SDK2: variants seen among roughly 807,000 people sequenced by gnomAD.
SDK2 encodes sidekick cell adhesion molecule 2.
SDK2 carries 105 observed loss-of-function variants against 253.9 expected under a neutral mutation model. The observed-to-expected ratio is 0.41, with a 90% CI of 0.35 to 0.49. The LOEUF (loss-of-function observed/expected upper bound fraction) is 0.49, where lower values mean the gene tolerates loss of function less well. Among genes scored for constraint, SDK2 ranks in the 20% least tolerant of loss-of-function variants. The pLI is 0.06. For synonymous variants in SDK2, 1,249 were observed against 1,234.9 expected (o/e 1.01, Z -0.24); for missense variants, 2,608 against 3,003.0 (o/e 0.87, Z 3.07).
intron 4 of SDK2, among the ~76,000 whole-genome samples, chr17:73,451,986 T>G (rs1055625166): frequency 2.0e-5 from 3 of 152,152 alleles, no homozygotes; most frequent in African/African-American, 7.2e-5. Flanking sequence ...TTCAATGTAC[T>G]AGGCTTTTGC....
chr17:73,461,636 T>C (rs1407728422), intron 3 of SDK2, among the ~76,000 whole-genome samples: 1 of 151,824 alleles, frequency 6.6e-6, no homozygotes, highest in Admixed American at 6.6e-5. Context: ...GATGTTTGGA[T>C]GGATGGGGGG....
chr17:73,397,384 G>A (rs986604974), intron 24 of SDK2, among the ~76,000 whole-genome samples: 5 of 152,148 alleles, frequency 3.3e-5, no homozygotes, highest in South Asian at 2.1e-4. Flanking sequence ...AAGATTCCCC[G>A]GGTTGGGACC....
intron 1 of SDK2, among the ~76,000 whole-genome samples, chr17:73,554,678 A>G (rs1002353323): frequency 6.6e-6 from 1 of 152,222 alleles, no homozygotes; most frequent in African/African-American, 2.4e-5. Context: ...GGAAACTAAT[A>G]CACACTTCTG....
At chr17:73,615,651 G>T (rs907122247) in intron 1 of SDK2, among the ~76,000 whole-genome samples, 1 of 152,164 alleles carries the variant, frequency 6.6e-6, no homozygotes, top group Non-Finnish European at 1.5e-5. Flanking sequence ...AAGTTGTTCT[G>T]GAATAAAACT....
chr17:73,633,121 A>T (rs1599741172), intron 1 of SDK2, among the ~76,000 whole-genome samples: 1 of 56,554 alleles, frequency 1.8e-5, no homozygotes, highest in African/African-American at 1.4e-4. Context: ...TGTATCTACA[A>T]AAAAAATAAA....
At chr17:73,364,754 T>C (rs1170152079) in intron 38 of SDK2, among the ~76,000 whole-genome samples, 1 of 152,154 alleles carries the variant, frequency 6.6e-6, no homozygotes, top group African/African-American at 2.4e-5. Context: ...CCCGAGTAGC[T>C]GAGACTACAG....
At chr17:73,615,225 ATTGACT>A (rs2046039221) in intron 1 of SDK2, among the ~76,000 whole-genome samples, 1 of 152,220 alleles carries the variant, frequency 6.6e-6, no homozygotes, top group South Asian at 2.1e-4. Flanking sequence ...CTCAAACATC[ATTGACT>A]TTAACGTTCT....
intron 1 of SDK2, among the ~76,000 whole-genome samples, chr17:73,548,083 G>GC (rs1292262261): frequency 6.6e-6 from 1 of 152,104 alleles, no homozygotes; most frequent in African/African-American, 2.4e-5. Flanking sequence ...CTCCCACCAG[G>GC]CCCCCCACCT....
intron 1 of SDK2, among the ~76,000 whole-genome samples, chr17:73,568,126 TG>T (rs578065052): frequency 1.2e-3 from 182 of 152,318 alleles, no homozygotes; most frequent in African/African-American, 4.0e-3. Flanking sequence ...GGGAGATGTT[TG>T]TGTTGGGAGG....
intron 18 of SDK2, among the ~76,000 whole-genome samples, chr17:73,405,810 C>G (rs931009963): frequency 2.6e-5 from 4 of 151,146 alleles, no homozygotes; most frequent in Admixed American, 1.3e-4. Flanking sequence ...AGCTCCGCCT[C>G]TCGGGTTCAC....
chr17:73,355,844 G>A (rs1442245616), intron 40 of SDK2, among the ~76,000 whole-genome samples: 1 of 151,982 alleles, frequency 6.6e-6, no homozygotes, highest in Non-Finnish European at 1.5e-5. Context: ...GCCCAGTTTC[G>A]GAACTTCATG....
intron 40 of SDK2, among the ~76,000 whole-genome samples, chr17:73,355,174 A>ATATATATATATATATATATTTT: frequency 2.1e-5 from 1 of 47,224 alleles, no homozygotes; most frequent in African/African-American, 1.6e-4. Context: ...ATATATATAT[A>ATATATATATATATATATATTTT]TTTTTTTTTT....
Position 73,447,593 on chromosome 17 carries a change from T to C in SDK2, c.613+22A>G. Reference sequence around the variant, plus strand: ...ATTTAATGGCCCGCTCCAAGATCGGTCCCGGCCCTGTGCGTACTTACTCTC... The same window carrying C: ...ATTTAATGGCCCGCTCCAAGATCGGCCCCGGCCCTGTGCGTACTTACTCTC... On this transcript the variant is annotated intron_variant, in intron 5 of 44. Transcript: ENST00000392650. The surrounding 1 kb of genome is among the most constrained non-coding windows in gnomAD (Gnocchi z 4.0). The C allele has an allele frequency of 6.4e-7, 1 of 1,551,782 alleles. No homozygotes were observed. The highest frequency in any genetic ancestry group is 8.7e-7 in the Non-Finnish European group (1 of 1,146,992).
At chr17:73,387,534 C>T (rs965960974) in intron 30 of SDK2, among the ~76,000 whole-genome samples, 2 of 152,184 alleles carry the variant, frequency 1.3e-5, no homozygotes, top group Non-Finnish European at 2.9e-5. Context: ...TACCGCCCGG[C>T]TGGAAGAATC....
In SDK2 at chr17:73,358,313, G is replaced by A. The variant is rs540009524; in HGVS notation, c.5468-109C>T. On this transcript the variant is annotated intron_variant, in intron 39 of 44. Coordinates refer to ENST00000392650, the MANE Select transcript of SDK2 (RefSeq NM_001144952.2). ...TGGGTGACAAAACCAACCCTGGACA[G>A]AGAGCCGCCAGGAAGCCCTGCAAAT... 2.0e-5 allele frequency: 28 copies of A among 1,388,534 alleles called. 1 individual carries two copies. In the South Asian group the frequency reaches 3.7e-4, roughly 18 times the overall value. The allele number at this position is 1,388,534 out of a possible 1,614,324, so 86.0% of individuals were successfully genotyped here.
At chr17:73,571,727 C>T (rs2045389983) in intron 1 of SDK2, among the ~76,000 whole-genome samples, 1 of 152,244 alleles carries the variant, frequency 6.6e-6, no homozygotes, top group Non-Finnish European at 1.5e-5. Context: ...GCCCGGCCTG[C>T]CTTCCAGGAA....
chr17:73,354,472 C>T (rs1415546649), intron 40 of SDK2, among the ~76,000 whole-genome samples: 3 of 152,226 alleles, frequency 2.0e-5, no homozygotes, highest in South Asian at 4.1e-4. Context: ...GCCCTGGCTG[C>T]ATGCTCTGGG....
chr17:73,468,691 T>A (rs1010729699), intron 3 of SDK2, among the ~76,000 whole-genome samples: 3 of 119,198 alleles, frequency 2.5e-5, no homozygotes, highest in Non-Finnish European at 3.5e-5. Flanking sequence ...TTTTTTTTAA[T>A]TTTTTTTTTA....
At chr17:73,398,557 A>C in intron 22 of SDK2, 128 bp from the exon 23 acceptor site, 1 of 686,726 alleles carries the variant, frequency 1.5e-6, no homozygotes, top group South Asian at 1.8e-5. Flanking sequence ...AGGGCACCAT[A>C]TGGGGCTACC....
Sources: allele counts gnomAD v4.1 joint callset (sites outside exome capture counted in the v4.1 genomes callset), GRCh38; gene constraint gnomAD v4.1.1; non-coding constraint Gnocchi (gnomAD v3.1); transcripts MANE v1.5; gene names NCBI Gene and HGNC (gene_info 2026-07-23, HGNC 2026-07-21).